The following SUCLA2 variants were observed in gnomAD, a reference collection of about 807,000 sequenced individuals.
SUCLA2 encodes the protein succinate--CoA ligase [ADP-forming] subunit beta, mitochondrial.
Under a neutral mutation model 54.8 loss-of-function variants are expected in SUCLA2, and 30 were observed. The observed-to-expected ratio is 0.55, with a 90% CI of 0.41 to 0.74. The LOEUF (loss-of-function observed/expected upper bound fraction) is 0.74. Ranked by LOEUF, SUCLA2 falls within the 30% of genes least tolerant of loss-of-function variation. SUCLA2 has a pLI of 0.00. For synonymous variants in SUCLA2, 172 were observed against 188.9 expected, an observed-to-expected ratio of 0.91 and a Z score of 0.74; for missense variants, 476 against 562.9, an observed-to-expected ratio of 0.85 and a Z score of 1.56.
At chr13:47,972,472 C>G (rs1400474851) in intron 5 of SUCLA2, among the ~76,000 whole-genome samples, 3 of 151,694 alleles carry the variant, frequency 2.0e-5, no homozygotes, top group Non-Finnish European at 2.9e-5. Flanking sequence ...AGTTCGAGAC[C>G]AACCTGATCA....
intron 4 of SUCLA2, chr13:47,987,545 A>G (rs750734465): frequency 1.3e-4 from 20 of 152,112 alleles, no homozygotes; most frequent in Non-Finnish European, 2.5e-4. Flanking sequence ...AATGCTTCTT[A>G]ATTTTATATT....
chr13:47,953,660 A>G (rs1031523957), intron 8 of SUCLA2, among the ~76,000 whole-genome samples: 2 of 152,172 alleles, frequency 1.3e-5, no homozygotes, highest in African/African-American at 4.8e-5. Context: ...GCATTATACC[A>G]GACACTACGA....
chr13:47,945,683 CACAA>C (rs59070358), intron 10 of SUCLA2: 51,948 of 99,024 alleles, frequency 0.52, 11,007 homozygotes, highest in Non-Finnish European at 0.6. Context: ...CACACACACA[CACAA>C]AGTCCCCCCC....
intron 10 of SUCLA2, among the ~76,000 whole-genome samples, chr13:47,947,274 TACAC>T (rs34458960): frequency 0.054 from 7,773 of 144,860 alleles, 442 homozygotes; most frequent in African/African-American, 0.14. Flanking sequence ...ACACGCACAA[TACAC>T]ACACACACAC....
intron 8 of SUCLA2, among the ~76,000 whole-genome samples, chr13:47,951,169 A>G (rs1489924756): frequency 2.0e-5 from 3 of 152,262 alleles, no homozygotes; most frequent in Non-Finnish European, 2.9e-5. Flanking sequence ...TAAATCCTGG[A>G]CTAGGCCAGA....
intron 2 of SUCLA2, 59 bp downstream of exon 2, chr13:47,996,784 C>A: frequency 6.4e-7 from 1 of 1,552,540 alleles, no homozygotes; most frequent in South Asian, 1.2e-5. Flanking sequence ...CAAAAACAAA[C>A]TTCAAATCTT....
In SUCLA2 at chr13:48,001,182, G is replaced by C. The variant is rs568437392; in HGVS notation, c.88C>G (p.Gln30Glu). ...RPRTAQRAAA[Q>E]VLGSSGLFNN... The stretch of plus-strand genomic sequence containing the variant: ...GACAGCGGACTGGAAGGCATTACCT[G>C]AGCAGCAGCCCGCTGGGCCGTCCGA... Residue 30 changes from glutamine to glutamate, a missense_variant and splice_region_variant, in exon 1 of 11, where the codon CAG becomes GAG. Physicochemically the swap from Gln to Glu is conservative, Grantham distance 29. Transcript: ENST00000646932. 1.3e-4 allele frequency: 211 copies of C among 1,608,976 alleles called. 2 individuals are homozygous for C. The South Asian group carries it at 2.2e-3, about 16-fold the overall frequency.
chr13:47,977,694 T>C (rs1337030582), intron 4 of SUCLA2, among the ~76,000 whole-genome samples: 1 of 152,082 alleles, frequency 6.6e-6, no homozygotes, highest in Non-Finnish European at 1.5e-5. Flanking sequence ...AATTGATACA[T>C]AAAAGGCATT....
At chr13:47,957,876 G>T (rs1396768255) in intron 6 of SUCLA2, among the ~76,000 whole-genome samples, 1 of 152,216 alleles carries the variant, frequency 6.6e-6, no homozygotes, top group Non-Finnish European at 1.5e-5. Flanking sequence ...AGCACCTCAA[G>T]TGTGTCAGTT....
chr13:47,963,180 C>A (rs896558279), intron 6 of SUCLA2, among the ~76,000 whole-genome samples: 1 of 152,168 alleles, frequency 6.6e-6, no homozygotes, highest in African/African-American at 2.4e-5. Flanking sequence ...CTTGACCAAA[C>A]CCCTGGTGTT....
chr13:48,000,166 G>A (rs555712239), intron 1 of SUCLA2, among the ~76,000 whole-genome samples: 2 of 150,694 alleles, frequency 1.3e-5, no homozygotes, highest in East Asian at 3.9e-4. Flanking sequence ...AGGGGCGGGA[G>A]GGCCCTAAAT....
intron 2 of SUCLA2, among the ~76,000 whole-genome samples, chr13:47,992,616 T>C (rs1281158451): frequency 6.6e-6 from 1 of 152,348 alleles, no homozygotes; most frequent in East Asian, 1.9e-4. Flanking sequence ...GCAGTCTTAT[T>C]ACATTTGGCA....
chr13:47,960,146 G>A (rs949699719), intron 6 of SUCLA2, among the ~76,000 whole-genome samples: 3 of 152,032 alleles, frequency 2.0e-5, no homozygotes, highest in African/African-American at 7.2e-5. Context: ...TGGGTTTCCT[G>A]TTTGTTTTTT....
intron 6 of SUCLA2, among the ~76,000 whole-genome samples, chr13:47,963,858 G>C (rs1489950657): frequency 1.3e-5 from 2 of 152,172 alleles, no homozygotes; most frequent in East Asian, 3.8e-4. Context: ...AAAGAAGCCA[G>C]GGTCCTTTGG....
chr13:47,960,705 A>T (rs1457437682), intron 6 of SUCLA2, among the ~76,000 whole-genome samples: 1 of 142,158 alleles, frequency 7.0e-6, no homozygotes, highest in Admixed American at 7.0e-5. Flanking sequence ...TTAAGTAGTT[A>T]AAAAAAAAAA....
At chr13:47,962,337 T>TA (rs1949877276) in intron 6 of SUCLA2, among the ~76,000 whole-genome samples, 1 of 152,244 alleles carries the variant, frequency 6.6e-6, no homozygotes, top group South Asian at 2.1e-4. Flanking sequence ...ATATATTTAA[T>TA]AAAAACCTGT....
chr13:47,979,553 G>A (rs1052213636), intron 4 of SUCLA2, among the ~76,000 whole-genome samples: 2 of 152,042 alleles, frequency 1.3e-5, no homozygotes, highest in Non-Finnish European at 2.9e-5. Flanking sequence ...AGGTTGATGG[G>A]TGCAGCAAAC....
intron 6 of SUCLA2, among the ~76,000 whole-genome samples, chr13:47,964,550 T>C (rs1486334862): frequency 1.3e-5 from 2 of 152,222 alleles, no homozygotes; most frequent in Non-Finnish European, 1.5e-5. Flanking sequence ...TTTGGGTATA[T>C]ACAGCTAAAT....
intron 2 of SUCLA2, among the ~76,000 whole-genome samples, chr13:47,990,348 A>G (rs1317127182): frequency 6.6e-6 from 1 of 152,210 alleles, no homozygotes; most frequent in Non-Finnish European, 1.5e-5. Context: ...GCTGTCTCAA[A>G]AGAGTAAATG....
Sources: allele counts gnomAD v4.1 joint callset (sites outside exome capture counted in the v4.1 genomes callset), GRCh38; gene constraint gnomAD v4.1.1; transcripts MANE v1.5; gene names NCBI Gene and HGNC (gene_info 2026-07-23, HGNC 2026-07-21).